The following DNAJC1 variants were observed in gnomAD, a reference collection of about 807,000 sequenced individuals.
The protein encoded by DNAJC1 is DnaJ heat shock protein family (Hsp40) member C1, also known as dnaJ homolog subfamily C member 1.
A neutral mutation model predicts 76.6 loss-of-function variants in DNAJC1; 58 were observed. That is an observed-to-expected ratio of 0.76 (90% CI 0.61 to 0.94). The LOEUF is 0.94. Among genes scored for constraint, DNAJC1 ranks in the 40% least tolerant of loss-of-function variants. The probability of loss-of-function intolerance (pLI) is 0.00; values close to 1 mark genes in which losing one functional copy is unlikely to be tolerated. For synonymous variants in DNAJC1, 258 were observed against 267.9 expected (o/e 0.96, Z 0.36); for missense variants, 689 against 677.3 (o/e 1.02, Z -0.19).
intron 8 of DNAJC1, 39 bp downstream of exon 8, chr10:21,882,243 C>T (rs920328372): frequency 7.0e-6 from 11 of 1,560,368 alleles, no homozygotes; most frequent in African/African-American, 2.8e-5. Context: ...CTTTTCTGTA[C>T]ATGTTTTACT....
intron 1 of DNAJC1, among the ~76,000 whole-genome samples, chr10:21,980,007 C>T (rs76813426): frequency 0.039 from 5,964 of 151,952 alleles, 189 homozygotes; most frequent in African/African-American, 0.083. Flanking sequence ...TCTTGTTCCC[C>T]AGCTTATTTT....
At chr10:21,898,873 C>T (rs1590039199) in intron 7 of DNAJC1, among the ~76,000 whole-genome samples, 1 of 151,618 alleles carries the variant, frequency 6.6e-6, no homozygotes, top group Non-Finnish European at 1.5e-5. Context: ...TTAGAAGCAG[C>T]GGCAGTCTAC....
At chr10:21,958,281 A>C (rs749773225) in intron 1 of DNAJC1, among the ~76,000 whole-genome samples, 6 of 152,272 alleles carry the variant, frequency 3.9e-5, no homozygotes, top group South Asian at 4.1e-4. Context: ...GCTTTATTTA[A>C]GTATAATTTA....
chr10:21,811,663 G>A (rs1457143336), intron 8 of DNAJC1, among the ~76,000 whole-genome samples: 2 of 152,156 alleles, frequency 1.3e-5, no homozygotes, highest in Admixed American at 6.5e-5. Flanking sequence ...TCAGAAGAAA[G>A]ATCTGTATCC....
intron 1 of DNAJC1, among the ~76,000 whole-genome samples, chr10:21,951,311 T>C (rs1837591588): frequency 6.7e-6 from 1 of 149,448 alleles, no homozygotes; most frequent in South Asian, 2.1e-4. Flanking sequence ...CAGAGCGAGA[T>C]CCATCTCAAA....
intron 1 of DNAJC1, among the ~76,000 whole-genome samples, chr10:21,947,382 C>G (rs1267041651): frequency 6.6e-6 from 1 of 152,114 alleles, no homozygotes; most frequent in Non-Finnish European, 1.5e-5. Flanking sequence ...CTTCCTCCAC[C>G]TCTTCTGCCT....
chr10:21,894,838 T>C (rs1020720277), intron 7 of DNAJC1, among the ~76,000 whole-genome samples: 3 of 152,192 alleles, frequency 2.0e-5, no homozygotes, highest in African/African-American at 7.2e-5. Context: ...GTCCCCTTTC[T>C]TCTATCTCTT....
intron 8 of DNAJC1, among the ~76,000 whole-genome samples, chr10:21,848,047 T>C (rs962457359): frequency 6.6e-6 from 1 of 152,164 alleles, no homozygotes; most frequent in African/African-American, 2.4e-5. Context: ...CTGTTTTCCA[T>C]AGCAGTTATA....
At chr10:21,767,083 G>A (rs1834309834) in intron 9 of DNAJC1, among the ~76,000 whole-genome samples, 1 of 151,924 alleles carries the variant, frequency 6.6e-6, no homozygotes, top group Non-Finnish European at 1.5e-5. Flanking sequence ...TTCTACCACT[G>A]AGTATTGCAA....
chr10:21,787,406 A>AGAG (rs939803442), intron 9 of DNAJC1, among the ~76,000 whole-genome samples: 2 of 151,780 alleles, frequency 1.3e-5, no homozygotes, highest in Admixed American at 6.6e-5. Flanking sequence ...AAAAGAAGGA[A>AGAG]GAGGAGGAGG....
intron 8 of DNAJC1, among the ~76,000 whole-genome samples, chr10:21,837,389 G>A (rs2131675040): frequency 6.6e-6 from 1 of 152,058 alleles, no homozygotes; most frequent in Admixed American, 6.5e-5. Flanking sequence ...GGGATGTGAG[G>A]AGCCCCTCTG....
intron 1 of DNAJC1, among the ~76,000 whole-genome samples, chr10:21,937,697 A>T (rs1038203302): frequency 6.6e-6 from 1 of 152,170 alleles, no homozygotes; most frequent in Non-Finnish European, 1.5e-5. Flanking sequence ...ATTAGCCAAG[A>T]TATACCCTAT....
At chr10:21,804,571 C>T (rs940880562) in intron 9 of DNAJC1, among the ~76,000 whole-genome samples, 2 of 151,276 alleles carry the variant, frequency 1.3e-5, no homozygotes, top group African/African-American at 4.9e-5. Flanking sequence ...ATAAAACACA[C>T]CATCCAGTAA....
intron 1 of DNAJC1, among the ~76,000 whole-genome samples, chr10:21,934,318 T>C: frequency 6.6e-6 from 1 of 152,108 alleles, no homozygotes; most frequent in East Asian, 1.9e-4. Flanking sequence ...TTAAGCTAAG[T>C]GTTATTACAA....
chr10:21,835,675 G>T (rs542732358), intron 8 of DNAJC1, among the ~76,000 whole-genome samples: 1 of 152,230 alleles, frequency 6.6e-6, no homozygotes, highest in Admixed American at 6.5e-5. Flanking sequence ...GCTACGTGAC[G>T]AATGCAGAAG....
intron 7 of DNAJC1, among the ~76,000 whole-genome samples, chr10:21,897,524 C>T (rs996270506): frequency 6.6e-5 from 10 of 152,148 alleles, no homozygotes; most frequent in Admixed American, 3.9e-4. Flanking sequence ...AGGAGGTGAG[C>T]GGCAGGAGGA....
chr10:21,812,186 G>A (rs1324090855), intron 8 of DNAJC1, among the ~76,000 whole-genome samples: 1 of 151,378 alleles, frequency 6.6e-6, no homozygotes, highest in East Asian at 1.9e-4. Flanking sequence ...AGCCTCCCGA[G>A]TAACTGGGAT....
intron 1 of DNAJC1, among the ~76,000 whole-genome samples, chr10:21,991,384 A>T (rs2131847116): frequency 6.6e-6 from 1 of 152,350 alleles, no homozygotes; most frequent in Admixed American, 6.5e-5. Flanking sequence ...TTAGCAGACA[A>T]GCCTATGCAT....
intron 9 of DNAJC1, among the ~76,000 whole-genome samples, chr10:21,774,084 T>G (rs867225448): frequency 5.1e-5 from 7 of 137,024 alleles, no homozygotes; most frequent in South Asian, 4.5e-4. Flanking sequence ...GAGCTTGCAG[T>G]GAGCCGAGAT....
Sources: gnomAD v4.1 joint callset for allele counts (sites outside exome capture counted in the v4.1 genomes callset) on GRCh38, gnomAD v4.1.1 for gene constraint, MANE v1.5 for transcripts, NCBI Gene and HGNC (gene_info 2026-07-23, HGNC 2026-07-21) for gene names.